CPEB3: variants seen among roughly 807,000 people sequenced by gnomAD.
CPEB3 encodes cytoplasmic polyadenylation element-binding protein 3.
A neutral mutation model predicts 67.2 loss-of-function variants in CPEB3; 20 were observed. The observed-to-expected ratio is 0.30, with a 90% confidence interval of 0.21 to 0.43. The LOEUF (loss-of-function observed/expected upper bound fraction) is 0.43, where lower values mean the gene tolerates loss of function less well. Among genes scored for constraint, CPEB3 ranks in the 20% least tolerant of loss-of-function variants. The pLI is 1.00. For synonymous variants in CPEB3, 376 were observed against 393.1 expected, an observed-to-expected ratio of 0.96 and a Z score of 0.51; for missense variants, 746 against 968.6, an observed-to-expected ratio of 0.77 and a Z score of 3.05.
chr10:92,188,573 A>G (rs1034878822), intron 3 of CPEB3, among the ~76,000 whole-genome samples: 2 of 151,922 alleles, frequency 1.3e-5, no homozygotes, highest in Admixed American at 6.6e-5. Context: ...TACAAAAATT[A>G]GCCGGGTGTG....
chr10:92,158,390 T>C (rs1344816226), intron 4 of CPEB3, among the ~76,000 whole-genome samples: 3 of 152,202 alleles, frequency 2.0e-5, no homozygotes, highest in Non-Finnish European at 4.4e-5. Context: ...TTTAAAAAAC[T>C]GATTTATAAA....
At chr10:92,110,737 G>T (rs754442057) in intron 7 of CPEB3, among the ~76,000 whole-genome samples, 1 of 152,126 alleles carries the variant, frequency 6.6e-6, no homozygotes, top group Non-Finnish European at 1.5e-5. Context: ...AAATAACTCC[G>T]TTCTTGATCT....
At chr10:92,103,978 T>C (rs1169590410) in intron 7 of CPEB3, among the ~76,000 whole-genome samples, 2 of 152,242 alleles carry the variant, frequency 1.3e-5, no homozygotes, top group Admixed American at 6.5e-5. Context: ...AAGATGCCTA[T>C]TCTTTGAATG....
Position 92,240,252 on chromosome 10 carries a change from G to A in CPEB3, c.99C>T (p.Ser33=), listed in dbSNP as rs1851777757. 1.3e-6 allele frequency: 2 copies of A among 1,514,452 alleles called. No homozygotes were observed. Among genetic ancestry groups the A allele is most frequent in the South Asian group, 1.3e-5 (1 of 77,930 alleles). 93.8% of individuals were successfully genotyped at this position (1,514,452 alleles called of 1,614,324 possible). Residue 33 remains serine (S), a synonymous_variant, in exon 2 of 10, where the codon TCC becomes TCT. Coordinates refer to ENST00000265997, the MANE Select transcript of CPEB3 (RefSeq NM_014912.5). ...AGGAGAGGGGCGTGGACGGGGCTTC[G>A]GATACGCTGGACTCAGGTTGGGGCT... ...QQQPQPESSV[S]EAPSTPLSSE...
At chr10:92,114,115 A>C (rs1844885923) in intron 6 of CPEB3, among the ~76,000 whole-genome samples, 1 of 152,060 alleles carries the variant, frequency 6.6e-6, no homozygotes, top group Non-Finnish European at 1.5e-5. Flanking sequence ...ACCCCCCAAA[A>C]TCTGGGCTGT....
chr10:92,255,879 G>A (rs769497937), intron 1 of CPEB3, among the ~76,000 whole-genome samples: 6 of 152,096 alleles, frequency 3.9e-5, no homozygotes, highest in Non-Finnish European at 2.9e-5. Context: ...TCCTAATTCT[G>A]CATACTCTCC....
chr10:92,104,533 C>T (rs1211669491), intron 7 of CPEB3, among the ~76,000 whole-genome samples: 8 of 151,770 alleles, frequency 5.3e-5, no homozygotes, highest in Non-Finnish European at 8.8e-5. Context: ...ACTACAGGCA[C>T]CTGCCACCAC....
chr10:92,119,214 A>C lies in CPEB3; in HGVS notation c.1454-8020T>G, dbSNP rs79956833. Reference sequence around the variant, plus strand: ...TTCCTACACATTATTACATTCACCCATCTTTCTGTTTGTCACTCTTATCTC... The same window carrying C: ...TTCCTACACATTATTACATTCACCCCTCTTTCTGTTTGTCACTCTTATCTC... On this transcript the variant is annotated intron_variant, in intron 6 of 9. Coordinates refer to ENST00000265997, the MANE Select transcript of CPEB3 (RefSeq NM_014912.5). The C allele has an allele frequency of 1.5e-5, 23 of 1,583,036 alleles. No homozygotes were observed. The African/African-American group carries it at 2.7e-4, about 19-fold the overall frequency.
chr10:92,152,498 T>G (rs1330167189), intron 4 of CPEB3, among the ~76,000 whole-genome samples: 1 of 152,214 alleles, frequency 6.6e-6, no homozygotes, highest in African/African-American at 2.4e-5. Flanking sequence ...TGCAGTTCCT[T>G]CCACCTTCCC....
At chr10:92,157,850 A>G (rs1847278947) in intron 4 of CPEB3, among the ~76,000 whole-genome samples, 1 of 152,192 alleles carries the variant, frequency 6.6e-6, no homozygotes, top group African/African-American at 2.4e-5. Flanking sequence ...TAATTAAAAG[A>G]ACAAATTACC....
At chr10:92,189,583 A>C (rs1008078055) in intron 3 of CPEB3, among the ~76,000 whole-genome samples, 1 of 152,230 alleles carries the variant, frequency 6.6e-6, no homozygotes, top group Non-Finnish European at 1.5e-5. Flanking sequence ...CACTGACTGC[A>C]AAGTCAGAAA....
chr10:92,073,038 CTTTTTTTTTTTTTT>C (rs546510647), intron 9 of CPEB3, among the ~76,000 whole-genome samples: 3 of 61,234 alleles, frequency 4.9e-5, no homozygotes, highest in African/African-American at 7.3e-5. Flanking sequence ...GAATCTCTGT[CTTTTTTTTTTTTTT>C]TTTTTTTTTT....
At chr10:92,203,809 G>A (rs1233070148) in intron 2 of CPEB3, among the ~76,000 whole-genome samples, 1 of 152,114 alleles carries the variant, frequency 6.6e-6, no homozygotes, top group Non-Finnish European at 1.5e-5. Flanking sequence ...AGGAGCCAAT[G>A]AAGGAACCCA....
In CPEB3 at chr10:92,239,457, G is replaced by A. The variant is rs1184120514; in HGVS notation, c.894C>T (p.Ser298=). The A allele has an allele frequency of 6.3e-7, 1 of 1,597,558 alleles. No individual in the cohort carries two copies. Among genetic ancestry groups the A allele is most frequent in the Non-Finnish European group, 8.5e-7 (1 of 1,171,752 alleles). The change falls in exon 2 of 10, where the codon AGC becomes AGT. Residue 298 remains serine, a synonymous_variant. Transcript: ENST00000265997. This position sits in a 1 kb window ranked among gnomAD's most constrained non-coding sequence, Gnocchi z 6.0. ...PISPLKKPFS[S]NVIAPPKFPR... ...GGAACTTGGGCGGCGCGATCACGTT[G>A]CTGGAGAAGGGCTTTTTGAGCGGCG... is the stretch of plus-strand genomic sequence containing the variant.
chr10:92,135,369 T>C (rs1053303715), intron 6 of CPEB3, among the ~76,000 whole-genome samples: 4 of 152,174 alleles, frequency 2.6e-5, no homozygotes, highest in Admixed American at 6.5e-5. Context: ...TACGCACTTC[T>C]CAAAAGAAGA....
chr10:92,254,086 G>A (rs186863222), intron 1 of CPEB3, among the ~76,000 whole-genome samples: 22 of 152,120 alleles, frequency 1.4e-4, no homozygotes, highest in Non-Finnish European at 2.5e-4. Context: ...AAAATTAGCT[G>A]AGCATGGTGA....
chr10:92,098,514 G>T (rs1275501373), intron 7 of CPEB3, among the ~76,000 whole-genome samples: 3 of 151,978 alleles, frequency 2.0e-5, no homozygotes, highest in Admixed American at 6.6e-5. Context: ...TCTCCATGTT[G>T]GTCGGGATGG....
At chr10:92,186,373 C>T (rs1482699205) in intron 3 of CPEB3, among the ~76,000 whole-genome samples, 1 of 151,624 alleles carries the variant, frequency 6.6e-6, no homozygotes, top group Non-Finnish European at 1.5e-5. Flanking sequence ...CTGGGTTACA[C>T]AGCGAGACCC....
chr10:92,281,214 G>C (rs951790990), intron 1 of CPEB3, among the ~76,000 whole-genome samples: 2 of 148,018 alleles, frequency 1.4e-5, no homozygotes, highest in African/African-American at 2.6e-5. Flanking sequence ...TAGGTCCTTT[G>C]TCTGTTTTTA....
Sources: allele counts gnomAD v4.1 joint callset (sites outside exome capture counted in the v4.1 genomes callset), GRCh38; gene constraint gnomAD v4.1.1; non-coding constraint Gnocchi (gnomAD v3.1); transcripts MANE v1.5; gene names NCBI Gene and HGNC (gene_info 2026-07-23, HGNC 2026-07-21).